ANKS1B: variants seen among roughly 807,000 people sequenced by gnomAD.
ANKS1B encodes the protein ankyrin repeat and sterile alpha motif domain containing 1B.
In ANKS1B, 36 loss-of-function variants were observed where a neutral mutation model predicts 148.3. The ratio of observed to expected loss-of-function variants is 0.24; its 90% CI spans 0.19 to 0.32. The LOEUF (loss-of-function observed/expected upper bound fraction) is 0.32. Ranked by LOEUF, ANKS1B falls within the 10% of genes least tolerant of loss-of-function variation. ANKS1B has a pLI of 1.00. For missense variants in ANKS1B, 1,157 were observed against 1,542.6 expected, an observed-to-expected ratio of 0.75 and a Z score of 4.19; for synonymous variants, 542 against 560.8, an observed-to-expected ratio of 0.97 and a Z score of 0.47.
intron 9 of ANKS1B, among the ~76,000 whole-genome samples, chr12:99,519,165 C>G (rs549619448): frequency 6.6e-6 from 1 of 152,134 alleles, no homozygotes; most frequent in Non-Finnish European, 1.5e-5. Context: ...GAGAATGATC[C>G]ATGTGCTAAG....
intron 12 of ANKS1B, among the ~76,000 whole-genome samples, chr12:99,399,064 CT>C (rs1477308339): frequency 1.3e-5 from 2 of 152,110 alleles, no homozygotes; most frequent in African/African-American, 4.8e-5. Flanking sequence ...CAGGCGTTAG[CT>C]CCTTGTCCCC....
In ANKS1B at chr12:99,723,366, C is replaced by T. The variant is rs1207630971; in HGVS notation, c.1128+49556G>A. Among the ~76,000 whole-genome samples, 6 of 152,116 alleles carry T rather than the reference C, an allele frequency of 3.9e-5. No homozygotes were observed. In the South Asian group the frequency reaches 6.2e-4, roughly 16 times the overall value. ...AGGGGTCCCCCGCAGCACAACACAC[C>T]GGCTGTGGCAGACTGTGGCCAGAGT... On this transcript the variant is annotated intron_variant, in intron 8 of 26. Transcript: ENST00000683438.
intron 17 of ANKS1B, among the ~76,000 whole-genome samples, chr12:98,844,011 T>C (rs1482519468): frequency 6.6e-6 from 1 of 152,180 alleles, no homozygotes; most frequent in Non-Finnish European, 1.5e-5. Context: ...TCCCATCATG[T>C]ATTAACAGAA....
intron 6 of ANKS1B, among the ~76,000 whole-genome samples, chr12:99,777,359 A>C (rs971253736): frequency 2.6e-5 from 4 of 152,208 alleles, no homozygotes; most frequent in African/African-American, 9.6e-5. Flanking sequence ...GATGTACTGT[A>C]TGCCCTACCA....
intron 9 of ANKS1B, among the ~76,000 whole-genome samples, chr12:99,563,839 T>C (rs1036772319): frequency 3.3e-5 from 5 of 152,154 alleles, no homozygotes; most frequent in Non-Finnish European, 7.4e-5. Context: ...CTTTAAAACA[T>C]TTTTACTGTG....
rs1383353835 is a variant in ANKS1B, at chr12:99,223,800, C to T, written c.2419+20542G>A. ...CCACATTATATGCCCAACCAGCCAG[C>T]TGTTAGTAATCATTTTAAAAATAAT... On this transcript the variant is annotated intron_variant, in intron 14 of 26. Transcript: ENST00000683438. 2.0e-5 allele frequency among the ~76,000 whole-genome samples: 3 copies of T among 152,184 alleles called. No individual in the cohort carries two copies. In the East Asian group the frequency reaches 5.8e-4, roughly 29 times the overall value.
intron 12 of ANKS1B, among the ~76,000 whole-genome samples, chr12:99,253,822 A>G (rs542893259): frequency 6.6e-6 from 1 of 152,354 alleles, no homozygotes; most frequent in Admixed American, 6.5e-5. Flanking sequence ...AATATCAGTA[A>G]TGGAACAAAT....
chr12:99,589,085 G>A (rs1221907709), intron 9 of ANKS1B, among the ~76,000 whole-genome samples: 1 of 152,224 alleles, frequency 6.6e-6, no homozygotes, highest in African/African-American at 2.4e-5. Flanking sequence ...CAGTGGGATC[G>A]AAATGGTTTA....
At chr12:99,693,925 T>C (rs1567658096) in intron 8 of ANKS1B, among the ~76,000 whole-genome samples, 1 of 151,290 alleles carries the variant, frequency 6.6e-6, no homozygotes, top group African/African-American at 2.4e-5. Flanking sequence ...GGACTACAGA[T>C]GCGTGCCAAC....
At chr12:98,898,882 T>G (rs2099768433) in intron 17 of ANKS1B, among the ~76,000 whole-genome samples, 1 of 152,186 alleles carries the variant, frequency 6.6e-6, no homozygotes, top group African/African-American at 2.4e-5. Context: ...TTACAGGTCA[T>G]CAAGAATGCA....
chr12:98,771,995 C>T (rs2098590277), intron 25 of ANKS1B, among the ~76,000 whole-genome samples: 1 of 152,056 alleles, frequency 6.6e-6, no homozygotes, highest in Admixed American at 6.5e-5. Context: ...GTTTTGGTGC[C>T]AGAGAAACAA....
At chr12:99,198,433 G>C (rs141013161) in intron 14 of ANKS1B, among the ~76,000 whole-genome samples, 175 of 152,244 alleles carry the variant, frequency 1.1e-3, no homozygotes, top group African/African-American at 3.8e-3. Context: ...TATAGCACTA[G>C]GGATTTAACT....
At chr12:99,375,291 C>T (rs2093345318) in intron 12 of ANKS1B, among the ~76,000 whole-genome samples, 1 of 152,138 alleles carries the variant, frequency 6.6e-6, no homozygotes, top group Non-Finnish European at 1.5e-5. Flanking sequence ...GCCCAATATG[C>T]CCTGGGAGGA....
chr12:99,440,397 A>G (rs930614366), intron 11 of ANKS1B, among the ~76,000 whole-genome samples: 1 of 151,822 alleles, frequency 6.6e-6, no homozygotes, highest in Non-Finnish European at 1.5e-5. Flanking sequence ...CAATAGACCT[A>G]CCTAATATAT....
chr12:99,444,859 T>C (rs1326465087), intron 10 of ANKS1B, among the ~76,000 whole-genome samples: 1 of 152,036 alleles, frequency 6.6e-6, no homozygotes, highest in East Asian at 1.9e-4. Flanking sequence ...TCCTGATCGC[T>C]GTCTACAATC....
intron 14 of ANKS1B, among the ~76,000 whole-genome samples, chr12:99,213,769 A>G (rs1015636761): frequency 1.3e-5 from 2 of 152,244 alleles, no homozygotes; most frequent in African/African-American, 4.8e-5. Context: ...AGACAGTGGT[A>G]GAACCATTAT....
At chr12:99,538,827 G>C (rs1400531158) in intron 9 of ANKS1B, among the ~76,000 whole-genome samples, 1 of 152,164 alleles carries the variant, frequency 6.6e-6, no homozygotes, top group Non-Finnish European at 1.5e-5. Context: ...AGATTTTAGA[G>C]AAAAGGCTTT....
intron 19 of ANKS1B, among the ~76,000 whole-genome samples, chr12:98,818,171 C>CCCTT (rs58644436): frequency 0.95 from 123,729 of 129,878 alleles, 58,804 homozygotes; most frequent in East Asian, 1. Context: ...CTCCCTCCCT[C>CCCTT]CCTTCCTTCC....
intron 17 of ANKS1B, among the ~76,000 whole-genome samples, chr12:99,018,859 T>G (rs1477637355): frequency 6.6e-6 from 1 of 152,104 alleles, no homozygotes; most frequent in Non-Finnish European, 1.5e-5. Flanking sequence ...AGGAGAATCA[T>G]TTGAACCCGG....
Sources: gnomAD v4.1 joint callset for allele counts (sites outside exome capture counted in the v4.1 genomes callset) on GRCh38, gnomAD v4.1.1 for gene constraint, MANE v1.5 for transcripts, NCBI Gene and HGNC (gene_info 2026-07-23, HGNC 2026-07-21) for gene names.